TMEM132C: variants seen among roughly 807,000 people sequenced by gnomAD.
TMEM132C encodes the protein protein phosphatase 1, regulatory subunit 152.
Under a neutral mutation model 61.4 loss-of-function variants are expected in TMEM132C, and 29 were observed. That is an observed-to-expected ratio of 0.47 (90% CI 0.35 to 0.64). TMEM132C has a LOEUF of 0.64. TMEM132C is among the 30% of genes least tolerant of loss of function. The probability of loss-of-function intolerance (pLI) is 0.00; values close to 1 mark genes in which losing one functional copy is unlikely to be tolerated. For synonymous variants in TMEM132C, 656 were observed against 633.1 expected (o/e 1.04, Z -0.54); for missense variants, 1,408 against 1,476.9 (o/e 0.95, Z 0.76).
chr12:128,574,166 C>T (rs1288528965), intron 3 of TMEM132C, among the ~76,000 whole-genome samples: 8 of 152,178 alleles, frequency 5.3e-5, no homozygotes, highest in Non-Finnish European at 1.2e-4. Context: ...CAGATCTGAG[C>T]TGGACACTTC....
intron 2 of TMEM132C, among the ~76,000 whole-genome samples, chr12:128,504,950 A>C: frequency 8.5e-6 from 1 of 118,160 alleles, no homozygotes; most frequent in East Asian, 3.2e-4. Flanking sequence ...AAAGAAAACA[A>C]TACACAATTT....
At chr12:128,502,727 G>T (rs1308327494) in intron 2 of TMEM132C, among the ~76,000 whole-genome samples, 1 of 152,222 alleles carries the variant, frequency 6.6e-6, no homozygotes, top group Non-Finnish European at 1.5e-5. Flanking sequence ...CAGGTTCAAG[G>T]TGTGTCAGGA....
At chr12:128,302,441 G>A (rs1871627763) in intron 1 of TMEM132C, among the ~76,000 whole-genome samples, 1 of 152,152 alleles carries the variant, frequency 6.6e-6, no homozygotes, top group African/African-American at 2.4e-5. Context: ...CCTCTGATTA[G>A]CTTTTCATTC....
intron 1 of TMEM132C, among the ~76,000 whole-genome samples, chr12:128,342,868 C>T (rs1873022934): frequency 6.6e-6 from 1 of 152,230 alleles, no homozygotes; most frequent in African/African-American, 2.4e-5. Context: ...CCGGGAGGAC[C>T]TGCCCTGGCT....
At chr12:128,289,600 G>C (rs1871193848) in intron 1 of TMEM132C, among the ~76,000 whole-genome samples, 1 of 152,190 alleles carries the variant, frequency 6.6e-6, no homozygotes, top group Non-Finnish European at 1.5e-5. Flanking sequence ...GTAGGCCCAA[G>C]AGGTGTATTT....
intron 1 of TMEM132C, among the ~76,000 whole-genome samples, chr12:128,269,247 C>T (rs1005052473): frequency 6.6e-6 from 1 of 152,114 alleles, no homozygotes; most frequent in Non-Finnish European, 1.5e-5. Context: ...GACCGACCTC[C>T]TCCGGGTTTT....
chr12:128,426,988 T>A (rs1433008297), intron 2 of TMEM132C, among the ~76,000 whole-genome samples: 1 of 152,180 alleles, frequency 6.6e-6, no homozygotes. Context: ...TATAGTCCCT[T>A]TCTATCTAAA....
chr12:128,681,727 C>T (rs1481829012), intron 5 of TMEM132C, among the ~76,000 whole-genome samples: 7 of 148,146 alleles, frequency 4.7e-5, no homozygotes, highest in Non-Finnish European at 1.0e-4. Flanking sequence ...GATCTTGGCT[C>T]GCTGCAACCT....
intron 8 of TMEM132C, 134 bp downstream of exon 8, chr12:128,697,549 GCAGA>G: frequency 1.1e-6 from 1 of 928,716 alleles, no homozygotes; most frequent in Non-Finnish European, 1.6e-6. Flanking sequence ...CCATGTCATT[GCAGA>G]CAAAGTGCTC....
chr12:128,664,721 G>A (rs954843740), intron 4 of TMEM132C, among the ~76,000 whole-genome samples: 5 of 152,194 alleles, frequency 3.3e-5, no homozygotes, highest in Admixed American at 2.0e-4. Context: ...GCCTTCTTCC[G>A]AGCAGTGCTA....
At chr12:128,534,718 C>T (rs1483489470) in intron 2 of TMEM132C, among the ~76,000 whole-genome samples, 4 of 152,224 alleles carry the variant, frequency 2.6e-5, no homozygotes, top group Admixed American at 1.3e-4. Flanking sequence ...AACCCTGCAA[C>T]AACTAGTTCC....
rs1874402831 is a variant in TMEM132C at position 128,558,431 on chromosome 12, C to G, written c.1121+14328C>G. 3.9e-5 allele frequency among the ~76,000 whole-genome samples: 6 copies of G among 152,300 alleles called. No homozygotes were observed. The South Asian group carries it at 1.2e-3, about 32-fold the overall frequency. ...TCTGATTGTTGTATAAATGGCAGTT[C>G]CCCTGCACATGCTGTCTTACCTGCC... is the stretch of plus-strand genomic sequence containing the variant. On this transcript the variant is annotated intron_variant, in intron 3 of 8. Transcript: ENST00000435159.
chr12:128,627,971 G>A (rs1402478442), intron 4 of TMEM132C, among the ~76,000 whole-genome samples: 2 of 152,162 alleles, frequency 1.3e-5, no homozygotes, highest in African/African-American at 4.8e-5. Flanking sequence ...GCAGGTGCAG[G>A]TGCAGGTTCA....
At chr12:128,620,150 T>G (rs1446906774) in intron 4 of TMEM132C, among the ~76,000 whole-genome samples, 1 of 146,448 alleles carries the variant, frequency 6.8e-6, no homozygotes, top group Non-Finnish European at 1.5e-5. Flanking sequence ...GAGGATCGCT[T>G]AAGCCCAGGA....
At position 128,531,929 on chromosome 12, in the gene TMEM132C, G is replaced by C. The variant is rs114799740; in HGVS notation, c.975-12028G>C. ...CACAAGGCTCCTGGTGGCAGACGGG[G>C]AGATGGAAACCAGCTCGCATTATTA... On this transcript the variant is annotated intron_variant, in intron 2 of 8. Transcript: ENST00000435159. 7.9e-3 allele frequency among the ~76,000 whole-genome samples: 1,198 copies of C among 152,308 alleles called. 19 individuals carry two copies. Among genetic ancestry groups the C allele is most frequent in the African/African-American group, 0.027 (1,121 of 41,564 alleles).
chr12:128,625,205 G>A (rs1314377949), intron 4 of TMEM132C, among the ~76,000 whole-genome samples: 1 of 152,138 alleles, frequency 6.6e-6, no homozygotes, highest in African/African-American at 2.4e-5. Context: ...GTCCATTCCA[G>A]CTGCTATAAC....
At chr12:128,661,069 T>C (rs1566006374) in intron 4 of TMEM132C, among the ~76,000 whole-genome samples, 1 of 152,066 alleles carries the variant, frequency 6.6e-6, no homozygotes, top group African/African-American at 2.4e-5. Flanking sequence ...CATAAATAGA[T>C]AGACAGATGA....
chr12:128,386,308 C>G (rs1255924447), intron 1 of TMEM132C, among the ~76,000 whole-genome samples: 1 of 152,202 alleles, frequency 6.6e-6, no homozygotes, highest in Non-Finnish European at 1.5e-5. Context: ...CAACATTTAA[C>G]CCTCTATTTT....
At chr12:128,345,570 C>T (rs987355692) in intron 1 of TMEM132C, among the ~76,000 whole-genome samples, 29 of 152,126 alleles carry the variant, frequency 1.9e-4, no homozygotes, top group African/African-American at 5.8e-4. Context: ...GTCTCGCCTC[C>T]GTCTGTTATT....
Sources: gnomAD v4.1 joint callset for allele counts (sites outside exome capture counted in the v4.1 genomes callset) on GRCh38, gnomAD v4.1.1 for gene constraint, MANE v1.5 for transcripts, NCBI Gene and HGNC (gene_info 2026-07-23, HGNC 2026-07-21) for gene names.